Variants in QRICH1 observed in about 807,000 individuals in gnomAD.
The protein encoded by QRICH1 is transcriptional regulator QRICH1.
QRICH1 carries 16 observed loss-of-function variants against 87.1 expected under a neutral mutation model. The ratio of observed to expected loss-of-function variants is 0.18; its 90% CI spans 0.12 to 0.28. The LOEUF (loss-of-function observed/expected upper bound fraction) is 0.28, where lower values mean the gene tolerates loss of function less well. Ranked by LOEUF, QRICH1 falls within the 10% of genes least tolerant of loss-of-function variation. The pLI, the probability that QRICH1 is intolerant of heterozygous loss-of-function variation, is 1.00. For missense variants in QRICH1, 647 were observed against 951.7 expected, an observed-to-expected ratio of 0.68 and a Z score of 4.21; for synonymous variants, 367 against 368.4, an observed-to-expected ratio of 1.00 and a Z score of 0.05.
chr3:49,048,696 G>A (rs531759037), intron 3 of QRICH1, among the ~76,000 whole-genome samples: 1 of 145,886 alleles, frequency 6.9e-6, no homozygotes, highest in East Asian at 2.2e-4. Context: ...GCTGAGGCAG[G>A]AGAATGGCAT....
intron 6 of QRICH1, among the ~76,000 whole-genome samples, chr3:49,039,686 G>C (rs2093298542): frequency 6.6e-6 from 1 of 150,886 alleles, no homozygotes; most frequent in African/African-American, 2.4e-5. Flanking sequence ...TACAGGAGAG[G>C]GGAAACAGGT....
At chr3:49,048,029 G>T (rs1371421861) in intron 3 of QRICH1, among the ~76,000 whole-genome samples, 1 of 152,026 alleles carries the variant, frequency 6.6e-6, no homozygotes, top group Non-Finnish European at 1.5e-5. Flanking sequence ...TCAAAGCACT[G>T]CTCCCACAGT....
At position 49,032,246 on chromosome 3, in the gene QRICH1, G is replaced by A. The variant is rs773480331; in HGVS notation, c.2075C>T (p.Thr692Met). 98 of 1,613,578 alleles carry A rather than the reference G, an allele frequency of 6.1e-5. No individual in the cohort carries two copies. The highest frequency in any genetic ancestry group is 3.3e-4 in the Middle Eastern group (2 of 6,084). Residue 692 changes from threonine (T) to methionine (M), a missense_variant, in exon 9 of 10, where the codon ACG becomes ATG. Thr to Met is a moderately conservative substitution (Grantham distance 81, BLOSUM62 -1). Around this residue, in one of 7 missense-constraint regions of QRICH1, gnomAD observed 187 missense variants for 309.5 expected, o/e 0.60. Transcript: ENST00000395443. ...TCTCAATGGATTCTCTGGATTTTCC[G>A]TCTGTTCTGCATACATGTCATCTGT... ...KVTDDMYAEQ[T>M]ENPENPLRCP...
At chr3:49,089,630 G>A (rs1188927816) in intron 1 of QRICH1, among the ~76,000 whole-genome samples, 8 of 152,180 alleles carry the variant, frequency 5.3e-5, no homozygotes, top group Admixed American at 5.2e-4. Context: ...ACCTTATGGT[G>A]TATTCATACA....
chr3:49,033,999 A>T (rs1401178806), intron 6 of QRICH1, among the ~76,000 whole-genome samples: 2 of 151,832 alleles, frequency 1.3e-5, no homozygotes, highest in Non-Finnish European at 2.9e-5. Context: ...AAAACAAAAA[A>T]ACAAAAAAAC....
chr3:49,032,603 C>T lies in QRICH1; in HGVS notation c.2047+19G>A, dbSNP rs888113806. On this transcript the variant is annotated intron_variant, in intron 8 of 9. Transcript: ENST00000395443. Reference sequence around the variant, plus strand: ...GACAAGTAGCACCTGTTTTTGCCATCCCTGCCTCCTTTCCCTACCTTTCTG... The same window carrying T: ...GACAAGTAGCACCTGTTTTTGCCATTCCTGCCTCCTTTCCCTACCTTTCTG... 9 of 1,550,004 alleles carry T rather than the reference C, an allele frequency of 5.8e-6. No homozygotes were observed. In the African/African-American group the frequency reaches 1.2e-4, roughly 21 times the overall value.
chr3:49,047,307 A>AT, intron 3 of QRICH1, 61 bp from the exon 4 acceptor site: 1 of 1,478,840 alleles, frequency 6.8e-7, no homozygotes, highest in Non-Finnish European at 9.2e-7. Context: ...CTTCTGCAAA[A>AT]TTGCCAGAAA....
At position 49,079,193 on chromosome 3, in the gene QRICH1, G is replaced by A. The variant is rs547850347; in HGVS notation, c.-21-2155C>T. Among the ~76,000 whole-genome samples the A allele has an allele frequency of 9.2e-5, 14 of 151,868 alleles. No individual in the cohort carries two copies. In the East Asian group the frequency reaches 1.7e-3, roughly 19 times the overall value. On this transcript the variant is annotated intron_variant, in intron 1 of 9. Transcript: ENST00000395443. ...AGGCTGCAGTGACCCGAGATCACTC[G>A]AATGCACTCCAGCCTAGGCGACAGA...
chr3:49,069,110 T>A (rs200576204), intron 2 of QRICH1, among the ~76,000 whole-genome samples: 2,931 of 93,626 alleles, frequency 0.031, 55 homozygotes, highest in African/African-American at 0.08. Context: ...TATTATTATT[T>A]TTTTTTTTTT....
chr3:49,056,907 T>C lies in QRICH1; in HGVS notation c.1293A>G (p.Thr431=). 6.2e-7 allele frequency: 1 copy of C among 1,614,022 alleles called. No homozygotes were observed. Among genetic ancestry groups the C allele is most frequent in the Non-Finnish European group, 8.5e-7 (1 of 1,179,930 alleles). ...GCTGCTGCTGCTGCTGTGGTGGTGG[T>C]GTCTGTTCCTGGGGAGTTTGCTGCT... The part of the protein sequence containing the change: ...QPQQQTPQEQ[T]PPPQQQQQQL... Residue 431 remains threonine, a synonymous_variant, in exon 3 of 10, where the codon ACA becomes ACG. Transcript: ENST00000395443.
chr3:49,057,886 T>G lies in QRICH1; in HGVS notation c.314A>C (p.Gln105Pro), dbSNP rs1434731491. The G allele has an allele frequency of 6.2e-7, 1 of 1,613,982 alleles. No individual in the cohort carries two copies. Among genetic ancestry groups the G allele is most frequent in the South Asian group, 1.1e-5 (1 of 91,060 alleles). ...TTGCGGAGACTGCTGTACCTGCACC[T>G]GGACCTGTAAGCAACAAGATTCATC... ...QVQQPQQVQV[Q>P]VQVQQSPQQV... Residue 105 changes from glutamine to proline, a missense_variant, in exon 3 of 10, where the codon CAG becomes CCG. By Grantham distance (76) the Gln-to-Pro change is moderately conservative (BLOSUM62 -1). Transcript: ENST00000395443. The surrounding 1 kb of genome is among the most constrained non-coding windows in gnomAD (Gnocchi z 5.4).
chr3:49,070,347 C>T (rs2093493855), intron 2 of QRICH1, among the ~76,000 whole-genome samples: 1 of 151,384 alleles, frequency 6.6e-6, no homozygotes, highest in Non-Finnish European at 1.5e-5. Context: ...CTTTCATCAC[C>T]TAATTCTGTC....
At chr3:49,067,041 AAGAG>A (rs1231376870) in intron 2 of QRICH1, among the ~76,000 whole-genome samples, 2 of 151,908 alleles carry the variant, frequency 1.3e-5, no homozygotes, top group Non-Finnish European at 2.9e-5. Flanking sequence ...CTCAAAAAAA[AAGAG>A]AGAGAGAAAT....
intron 2 of QRICH1, among the ~76,000 whole-genome samples, chr3:49,066,687 A>G (rs948399827): frequency 6.6e-6 from 1 of 152,120 alleles, no homozygotes; most frequent in African/African-American, 2.4e-5. Context: ...CACTGCACCC[A>G]GATGATTTTT....
intron 1 of QRICH1, among the ~76,000 whole-genome samples, chr3:49,089,667 T>C (rs2042235729): frequency 6.6e-6 from 1 of 152,122 alleles, no homozygotes; most frequent in Admixed American, 6.5e-5. Flanking sequence ...AAAATGGAAA[T>C]GAACAGCTGC....
In QRICH1 at chr3:49,047,220, A is replaced by C; in HGVS notation, c.1365T>G (p.Val455=). The C allele has an allele frequency of 6.2e-7, 1 of 1,614,144 alleles. No homozygotes were observed. The highest frequency in any genetic ancestry group is 8.5e-7 in the Non-Finnish European group (1 of 1,179,982). The change falls in exon 4 of 10, where the codon GTT becomes GTG. Residue 455 remains valine (V), a synonymous_variant. Transcript: ENST00000395443. The part of the protein sequence containing the change: ...CSAQTVQVAE[V]EPQSQPQPSP... ...AAGGCTGTGGCTGTGACTGTGGTTC[A>C]ACTTCAGCAACCTGGACAGTTTGAG...
In QRICH1 at chr3:49,037,722, ACT is replaced by A. The variant is rs1359720482; in HGVS notation, c.1787-4496_1787-4495del. The stretch of plus-strand genomic sequence containing the variant: ...ACTCCAACGTGGGCAAGAGAGAGAG[ACT>A]CTGTATCCAAAAAAAAAAAAGGGCA... On this transcript the variant is annotated intron_variant, in intron 6 of 9. Transcript: ENST00000395443. 5.4e-5 allele frequency among the ~76,000 whole-genome samples: 8 copies of A among 149,218 alleles called. No homozygotes were observed. In the East Asian group the frequency reaches 1.4e-3, roughly 26 times the overall value.
chr3:49,032,938 G>T, intron 7 of QRICH1, 165 bp from the exon 8 acceptor site: 1 of 981,722 alleles, frequency 1.0e-6, no homozygotes, highest in Non-Finnish European at 1.5e-6. Flanking sequence ...CAAGATGGAT[G>T]GTAGGGGTCT....
chr3:49,033,269 G>A, intron 6 of QRICH1, 41 bp from the exon 7 acceptor site: 1 of 1,332,748 alleles, frequency 7.5e-7, no homozygotes. Context: ...AGGATGGCAG[G>A]TGGTCTCTCA....
Sources: gnomAD v4.1 joint callset for allele counts (sites outside exome capture counted in the v4.1 genomes callset) on GRCh38, gnomAD v4.1.1 for gene constraint, gnomAD v4.1.1 regional missense constraint, Gnocchi (gnomAD v3.1) non-coding constraint, MANE v1.5 for transcripts, NCBI Gene and HGNC (gene_info 2026-07-23, HGNC 2026-07-21) for gene names.